ZBTB7A: variants seen among roughly 807,000 people sequenced by gnomAD.
ZBTB7A encodes zinc finger and BTB domain-containing protein 7A.
Under a neutral mutation model 26.7 loss-of-function variants are expected in ZBTB7A, and 7 were observed. The ratio of observed to expected loss-of-function variants is 0.26; its 90% CI spans 0.15 to 0.49. The LOEUF (loss-of-function observed/expected upper bound fraction) is 0.49, where lower values mean the gene tolerates loss of function less well. ZBTB7A is among the 20% of genes least tolerant of loss of function. The probability of loss-of-function intolerance (pLI) is 0.98; values close to 1 mark genes in which losing one functional copy is unlikely to be tolerated. For missense variants in ZBTB7A, 617 were observed against 919.5 expected (o/e 0.67, Z 4.25); for synonymous variants, 452 against 441.0 (o/e 1.02, Z -0.31).
Position 4,054,377 on chromosome 19 carries a change from C to T in ZBTB7A, c.856G>A (p.Ala286Thr). The change falls in exon 2 of 3, where the codon GCG (alanine) becomes ACG (threonine). Residue 286 changes from alanine to threonine, a missense_variant. Coordinates refer to ENST00000322357, the MANE Select transcript of ZBTB7A (RefSeq NM_015898.4). ...GGAGAGTCGCCCGGCTCGGGGGCCG[C>T]CTCCGACAGCGAGGCGGCCTCCTCC... ...GEEEAASLSEAAPEPGDSPGF... is the reference protein window; with the variant it reads ...GEEEAASLSETAPEPGDSPGF... The T allele has an allele frequency of 6.3e-6, 9 of 1,432,084 alleles. No homozygotes were observed. Among genetic ancestry groups the T allele is most frequent in the Non-Finnish European group, 8.1e-6 (9 of 1,105,172 alleles). The allele number at this position is 1,432,084 out of a possible 1,614,324, so 88.7% of individuals were successfully genotyped here. A position where few individuals can be genotyped will look rare whatever the true frequency, so the allele number is the denominator to read the frequency against.
rs1375390466 is a variant in ZBTB7A, at chr19:4,049,189, TATATATATATATATATATATGTA to T, written c.1263-968_1263-946del. 8.8e-4 allele frequency among the ~76,000 whole-genome samples: 26 copies of T among 29,416 alleles called. 5 individuals carry two copies. Among genetic ancestry groups the T allele is most frequent in the African/African-American group, 1.7e-3 (24 of 14,046 alleles). 19.3% of individuals were successfully genotyped at this position (29,416 alleles called of 152,430 possible). A position where few individuals can be genotyped will look rare whatever the true frequency, so the allele number is the denominator to read the frequency against. The stretch of plus-strand genomic sequence containing the variant: ...GTGTGTATATATATATATATATATA[TATATATATATATATATATATGTA>T]AGTTTGAGAGATGGGGGTTGAGCTA... On this transcript the variant is annotated intron_variant, in intron 2 of 2. Transcript: ENST00000322357.
At chr19:4,057,636 C>T (rs933157973) in intron 1 of ZBTB7A, among the ~76,000 whole-genome samples, 2 of 151,780 alleles carry the variant, frequency 1.3e-5, no homozygotes, top group African/African-American at 4.8e-5. Context: ...AAAAAATTAG[C>T]TGGGCCTGGT....
intron 2 of ZBTB7A, among the ~76,000 whole-genome samples, chr19:4,050,870 G>A (rs1371485241): frequency 2.0e-5 from 3 of 151,898 alleles, no homozygotes; most frequent in East Asian, 1.9e-4. Flanking sequence ...AGGCTAAGGC[G>A]GGCAGATCAC....
At chr19:4,066,433 G>T (rs867167390) in intron 1 of ZBTB7A, among the ~76,000 whole-genome samples, 88 of 150,742 alleles carry the variant, frequency 5.8e-4, no homozygotes, top group Admixed American at 2.0e-3. Context: ...GGTTGGGGGG[G>T]GCTGGCGCAC....
chr19:4,050,434 AGGGGTT>A (rs2040490224), intron 2 of ZBTB7A, among the ~76,000 whole-genome samples: 1 of 152,102 alleles, frequency 6.6e-6, no homozygotes, highest in South Asian at 2.1e-4. Context: ...CCGAGAAGGC[AGGGGTT>A]GGGTGTGACT....
At chr19:4,061,230 C>A (rs759174933) in intron 1 of ZBTB7A, among the ~76,000 whole-genome samples, 4 of 152,198 alleles carry the variant, frequency 2.6e-5, no homozygotes, top group Non-Finnish European at 5.9e-5. Flanking sequence ...CCCCTCCTCA[C>A]CTACCAAGGG....
Position 4,043,408 on chromosome 19 carries a change from T to C in ZBTB7A, c.*4344A>G, listed in dbSNP as rs1389276886. ...TGTGTTTTTGTTTGTTTTTTATTACTTTTAAAGCTTCTCCCTCCCCACTCC... is the reference window on the plus strand; with the variant it reads ...TGTGTTTTTGTTTGTTTTTTATTACCTTTAAAGCTTCTCCCTCCCCACTCC... On this transcript the variant is annotated 3_prime_UTR_variant, in exon 3 of 3. Coordinates refer to ENST00000322357, the MANE Select transcript of ZBTB7A (RefSeq NM_015898.4). 6.6e-6 allele frequency among the ~76,000 whole-genome samples: 1 copy of C among 151,742 alleles called. No individual in the cohort carries two copies. The highest frequency in any genetic ancestry group is 1.5e-5 in the Non-Finnish European group (1 of 67,966).
chr19:4,043,734 C>T lies in ZBTB7A; in HGVS notation c.*4018G>A, dbSNP rs1379683960. On this transcript the variant is annotated 3_prime_UTR_variant, in exon 3 of 3. Transcript: ENST00000322357. The stretch of plus-strand genomic sequence containing the variant: ...CCCTGGGCCCGGCCCCCCCCCCCCC[C>T]CCCCGTAAATCTATGTATTTAATGC... Among the ~76,000 whole-genome samples, 1 of 119,034 alleles carries T rather than the reference C, an allele frequency of 8.4e-6. No individual in the cohort carries two copies. 78.1% of individuals were successfully genotyped at this position (119,034 alleles called of 152,430 possible).
Position 4,057,781 on chromosome 19 carries a change from C to CAA in ZBTB7A, c.-15-2536_-15-2535dup, listed in dbSNP as rs55908345. Among the ~76,000 whole-genome samples the CAA allele has an allele frequency of 8.5e-3, 714 of 84,218 alleles. 15 individuals carry two copies. Among genetic ancestry groups the CAA allele is most frequent in the African/African-American group, 0.026 (639 of 24,944 alleles). The allele number at this position is 84,218 out of a possible 152,430, so 55.3% of individuals were successfully genotyped here. A position where few individuals can be genotyped will look rare whatever the true frequency, so the allele number is the denominator to read the frequency against. On this transcript the variant is annotated intron_variant, in intron 1 of 2. Coordinates refer to ENST00000322357, the MANE Select transcript of ZBTB7A (RefSeq NM_015898.4). ...CTGGTGACAGAGCGAGACTCGTCTCCAAAAAAAAAAAAAAAAACAATAACA... is the reference window on the plus strand; with the variant it reads ...CTGGTGACAGAGCGAGACTCGTCTCCAAAAAAAAAAAAAAAAAAACAATAACA...
chr19:4,064,025 C>G (rs1226856741), intron 1 of ZBTB7A, among the ~76,000 whole-genome samples: 1 of 152,172 alleles, frequency 6.6e-6, no homozygotes, highest in Admixed American at 6.5e-5. Context: ...CAAACAAACA[C>G]CCAGCAGGGA....
intron 1 of ZBTB7A, chr19:4,061,865 AGAGGAAGCTTCAT>A (rs2040641434): frequency 6.6e-6 from 1 of 152,264 alleles, no homozygotes; most frequent in Admixed American, 6.5e-5. Flanking sequence ...CCAGGTTCCA[AGAGGAAGCTTCAT>A]GACGACAGTG....
At chr19:4,064,914 C>A (rs901963545) in intron 1 of ZBTB7A, among the ~76,000 whole-genome samples, 1 of 152,008 alleles carries the variant, frequency 6.6e-6, no homozygotes, top group East Asian at 1.9e-4. Flanking sequence ...CAGCAACCTC[C>A]CGCCGCGGCC....
intron 1 of ZBTB7A, chr19:4,062,581 AC>A (rs1198846246): frequency 6.6e-6 from 1 of 152,228 alleles, no homozygotes; most frequent in East Asian, 1.9e-4. Flanking sequence ...GGCCTGCCTA[AC>A]TAGTCCTCCC....
At position 4,048,601 on chromosome 19, in the gene ZBTB7A, C is replaced by A. The variant is rs1483348741; in HGVS notation, c.1263-357G>T. ...ATCCCAGCACTTTGGGAGGCCGAGG[C>A]GGGCGGATCACTTGAGGCCAGGAGT... On this transcript the variant is annotated intron_variant, in intron 2 of 2. Coordinates refer to ENST00000322357, the MANE Select transcript of ZBTB7A (RefSeq NM_015898.4). This position sits in a 1 kb window ranked among gnomAD's most constrained non-coding sequence, Gnocchi z 6.7. Among the ~76,000 whole-genome samples, 1 of 151,794 alleles carries A rather than the reference C, an allele frequency of 6.6e-6. No homozygotes were observed. The highest frequency in any genetic ancestry group is 2.1e-4 in the South Asian group (1 of 4,804).
intron 1 of ZBTB7A, among the ~76,000 whole-genome samples, chr19:4,065,927 C>CCCGCG (rs1202629235): frequency 6.9e-6 from 1 of 144,268 alleles, no homozygotes; most frequent in Non-Finnish European, 1.5e-5. Flanking sequence ...TGGCCCCGCC[C>CCCGCG]CCGCGCCGCG....
Position 4,047,870 on chromosome 19 carries a change from T to TCCTCGA in ZBTB7A, c.1636_1637insTCGAGG (p.Glu545_Asp546insValGlu). On this transcript the variant is annotated inframe_insertion, in exon 3 of 3. Coordinates refer to ENST00000322357, the MANE Select transcript of ZBTB7A (RefSeq NM_015898.4). ...GCCCAAGCCGTCGGGGCTGGCCACGTCCTCGTCCTCGTCCTCGTCCTTAAA... is the reference window on the plus strand; with the variant it reads ...GCCCAAGCCGTCGGGGCTGGCCACGTCCTCGACCTCGTCCTCGTCCTCGTCCTTAAA... 1 of 1,597,012 alleles carries TCCTCGA rather than the reference T, an allele frequency of 6.3e-7. No homozygotes were observed. The highest frequency in any genetic ancestry group is 8.5e-7 in the Non-Finnish European group (1 of 1,172,594).
rs761263812 is a variant in ZBTB7A, at chr19:4,054,562, G to A, written c.671C>T (p.Pro224Leu). 5 of 1,489,028 alleles carry A rather than the reference G, an allele frequency of 3.4e-6. No individual in the cohort carries two copies. The highest frequency in any genetic ancestry group is 1.3e-5 in the South Asian group (1 of 74,838). The allele number at this position is 1,489,028 out of a possible 1,614,324, so 92.2% of individuals were successfully genotyped here. A position where few individuals can be genotyped will look rare whatever the true frequency, so the allele number is the denominator to read the frequency against. Reference protein sequence around the residue: ...CNGLDFYGPGPPAERPPTGDG... With the variant: ...CNGLDFYGPGLPAERPPTGDG... The stretch of plus-strand genomic sequence containing the variant: ...CCCCGTCGGGGGCCGCTCGGCCGGG[G>A]GGCCCGGCCCATAGAAGTCTAAGCC... Residue 224 changes from proline to leucine, a missense_variant, in exon 2 of 3, where the codon CCC becomes CTC. Coordinates refer to ENST00000322357, the MANE Select transcript of ZBTB7A (RefSeq NM_015898.4).
At chr19:4,064,611 C>A (rs1444147046) in intron 1 of ZBTB7A, among the ~76,000 whole-genome samples, 1 of 152,238 alleles carries the variant, frequency 6.6e-6, no homozygotes, top group Non-Finnish European at 1.5e-5. Flanking sequence ...GGGAGCGGCA[C>A]GCTCAGGGTT....
In ZBTB7A at chr19:4,052,386, G is replaced by A. The variant is rs961099131; in HGVS notation, c.1262+1585C>T. Among the ~76,000 whole-genome samples the A allele has an allele frequency of 6.6e-6, 1 of 152,124 alleles. No individual in the cohort carries two copies. Among genetic ancestry groups the A allele is most frequent in the African/African-American group, 2.4e-5 (1 of 41,426 alleles). ...TCCAGTACCCCAACCTCACCAAGGA[G>A]GGACAAACCACCAGCTACACTGCCT... On this transcript the variant is annotated intron_variant, in intron 2 of 2. Coordinates refer to ENST00000322357, the MANE Select transcript of ZBTB7A (RefSeq NM_015898.4). This position sits in a 1 kb window ranked among gnomAD's most constrained non-coding sequence, Gnocchi z 4.9.
Sources: allele counts gnomAD v4.1 joint callset (sites outside exome capture counted in the v4.1 genomes callset), GRCh38; gene constraint gnomAD v4.1.1; non-coding constraint Gnocchi (gnomAD v3.1); transcripts MANE v1.5; gene names NCBI Gene and HGNC (gene_info 2026-07-23, HGNC 2026-07-21).